NRG1: variants seen among roughly 807,000 people sequenced by gnomAD.
NRG1 encodes pro-neuregulin-1, membrane-bound isoform.
NRG1 carries 18 observed loss-of-function variants against 63.8 expected under a neutral mutation model. The observed-to-expected ratio is 0.28, with a 90% CI of 0.19 to 0.42. The LOEUF is 0.42. Among genes scored for constraint, NRG1 ranks in the 10% least tolerant of loss-of-function variants. The pLI is 1.00. For synonymous variants in NRG1, 302 were observed against 301.3 expected, an observed-to-expected ratio of 1.00 and a Z score of -0.02; for missense variants, 762 against 814.7, an observed-to-expected ratio of 0.94 and a Z score of 0.79.
chr8:32,346,641 C>G (rs919161264), intron 1 of NRG1, among the ~76,000 whole-genome samples: 1 of 151,970 alleles, frequency 6.6e-6, no homozygotes, highest in African/African-American at 2.4e-5. Flanking sequence ...AAATAAGGAA[C>G]CTGTAATTAA....
rs545275263 is a variant in NRG1 at position 31,987,320 on chromosome 8, ATGTGTGTGTGTG to A, written c.37+347907_37+347918del. 3.2e-5 allele frequency among the ~76,000 whole-genome samples: 4 copies of A among 125,824 alleles called. No homozygotes were observed. The East Asian group carries it at 8.6e-4, about 27-fold the overall frequency. The allele number at this position is 125,824 out of a possible 152,430, so 82.5% of individuals were successfully genotyped here. ...TCAAAAAAAAAAAAAAAACATATAT[ATGTGTGTGTGTG>A]TGTGTGTGTGTGTGTGTATGTGTGT... On this transcript the variant is annotated intron_variant, in intron 1 of 10. Coordinates refer to the NRG1 transcript ENST00000519301.
In NRG1 at chr8:31,921,352, C is replaced by G. The variant is rs573073543; in HGVS notation, c.37+281921C>G. On this transcript the variant is annotated intron_variant, in intron 1 of 10. Transcript: ENST00000519301. ...ACTGTCTCAGTGATTGGAGCCAGTTCATGAAGCGCTACAGCCTGTAGGATG... is the reference window on the plus strand; with the variant it reads ...ACTGTCTCAGTGATTGGAGCCAGTTGATGAAGCGCTACAGCCTGTAGGATG... Among the ~76,000 whole-genome samples, 3 of 152,200 alleles carry G rather than the reference C, an allele frequency of 2.0e-5. No individual in the cohort carries two copies. The South Asian group carries it at 6.2e-4, about 32-fold the overall frequency.
At chr8:32,082,886 G>A (rs532220477) in intron 1 of NRG1, among the ~76,000 whole-genome samples, 1 of 152,202 alleles carries the variant, frequency 6.6e-6, no homozygotes, top group East Asian at 1.9e-4. Flanking sequence ...AGCTCAAGGT[G>A]CATGCTGATA....
intron 5 of NRG1, among the ~76,000 whole-genome samples, chr8:32,712,582 C>T (rs561344321): frequency 6.6e-6 from 1 of 152,256 alleles, no homozygotes; most frequent in South Asian, 2.1e-4. Flanking sequence ...CAGTACAGAT[C>T]CATGTTAACC....
At chr8:31,698,043 C>T (rs1297270660) in intron 1 of NRG1, among the ~76,000 whole-genome samples, 1 of 152,064 alleles carries the variant, frequency 6.6e-6, no homozygotes, top group African/African-American at 2.4e-5. Flanking sequence ...GGTTACTAGT[C>T]CTTCCAGCAC....
At chr8:31,738,841 T>G (rs1814959580) in intron 1 of NRG1, among the ~76,000 whole-genome samples, 1 of 152,118 alleles carries the variant, frequency 6.6e-6, no homozygotes, top group Non-Finnish European at 1.5e-5. Context: ...GTACACATTT[T>G]CATCTTTTTG....
intron 7 of NRG1, among the ~76,000 whole-genome samples, chr8:32,751,810 A>G (rs2129050192): frequency 6.6e-6 from 1 of 152,300 alleles, no homozygotes; most frequent in Non-Finnish European, 1.5e-5. Context: ...GCATAGAAAG[A>G]ATGCACCCGT....
At chr8:31,643,844 A>G (rs1336404348) in intron 1 of NRG1, among the ~76,000 whole-genome samples, 1 of 152,232 alleles carries the variant, frequency 6.6e-6, no homozygotes, top group Non-Finnish European at 1.5e-5. Context: ...GATTTCCAAA[A>G]AGGAGTACAA....
chr8:32,532,062 T>C (rs1464078952), intron 1 of NRG1, among the ~76,000 whole-genome samples: 1 of 152,162 alleles, frequency 6.6e-6, no homozygotes, highest in Non-Finnish European at 1.5e-5. Context: ...TCTATTAACA[T>C]AGCAGGCAGT....
intron 1 of NRG1, among the ~76,000 whole-genome samples, chr8:32,045,335 C>G (rs1417330402): frequency 6.6e-6 from 1 of 151,750 alleles, no homozygotes; most frequent in South Asian, 2.1e-4. Flanking sequence ...CATAGATGAC[C>G]TAAATGAATG....
chr8:32,698,570 A>G (rs1473794624), intron 5 of NRG1, among the ~76,000 whole-genome samples: 1 of 152,184 alleles, frequency 6.6e-6, no homozygotes, highest in Admixed American at 6.5e-5. Context: ...AGGCGTGAGC[A>G]TTCACGGGAA....
intron 5 of NRG1, among the ~76,000 whole-genome samples, chr8:32,700,240 T>A (rs956782954): frequency 6.6e-6 from 1 of 152,206 alleles, no homozygotes. Flanking sequence ...ATATAATTTA[T>A]TAGAATGTTT....
chr8:32,593,321 A>T (rs1411839202), intron 1 of NRG1, among the ~76,000 whole-genome samples: 2 of 152,076 alleles, frequency 1.3e-5, no homozygotes, highest in Non-Finnish European at 2.9e-5. Flanking sequence ...ATATGTGTAA[A>T]CCAGTTTTTG....
intron 1 of NRG1, among the ~76,000 whole-genome samples, chr8:31,992,894 A>G (rs921869700): frequency 1.5e-4 from 23 of 152,136 alleles, no homozygotes; most frequent in African/African-American, 5.5e-4. Flanking sequence ...CAAGGGGCCT[A>G]AGTGGGCTCT....
chr8:31,726,643 C>G (rs1296348279), intron 1 of NRG1, among the ~76,000 whole-genome samples: 1 of 151,980 alleles, frequency 6.6e-6, no homozygotes, highest in African/African-American at 2.4e-5. Context: ...AGTACCAATA[C>G]CAGTGGGGGA....
At chr8:32,139,989 G>T (rs1332065583) in intron 1 of NRG1, among the ~76,000 whole-genome samples, 2 of 152,132 alleles carry the variant, frequency 1.3e-5, no homozygotes, top group Non-Finnish European at 1.5e-5. Context: ...GGAGCTATGA[G>T]TTTCAAGGCC....
chr8:31,857,712 A>T (rs1440854189), intron 1 of NRG1, among the ~76,000 whole-genome samples: 3 of 152,192 alleles, frequency 2.0e-5, no homozygotes, highest in Non-Finnish European at 4.4e-5. Flanking sequence ...TTTGCTAATG[A>T]CTTACTACTT....
At chr8:31,871,697 A>G (rs916554668) in intron 1 of NRG1, among the ~76,000 whole-genome samples, 2 of 152,172 alleles carry the variant, frequency 1.3e-5, no homozygotes, top group Non-Finnish European at 2.9e-5. Flanking sequence ...TCAAAACCCC[A>G]AAATTTTCTT....
chr8:32,541,635 C>T (rs1029523877), intron 1 of NRG1, among the ~76,000 whole-genome samples: 5 of 151,854 alleles, frequency 3.3e-5, no homozygotes, highest in African/African-American at 4.8e-5. Flanking sequence ...TTGAATCTTT[C>T]AAAATAACAA....
Sources: allele counts gnomAD v4.1 joint callset (sites outside exome capture counted in the v4.1 genomes callset), GRCh38; gene constraint gnomAD v4.1.1; transcripts MANE v1.5; gene names NCBI Gene and HGNC (gene_info 2026-07-23, HGNC 2026-07-21).